MYT1: variants seen among roughly 807,000 people sequenced by gnomAD.
MYT1 encodes myelin transcription factor I.
Under a neutral mutation model 123.0 loss-of-function variants are expected in MYT1, and 23 were observed. The observed-to-expected ratio is 0.19, with a 90% CI of 0.13 to 0.26. MYT1 has a LOEUF of 0.26. MYT1 is among the 10% of genes least tolerant of loss of function. The pLI is 1.00. For synonymous variants in MYT1, 518 were observed against 575.3 expected (o/e 0.90, Z 1.43); for missense variants, 1,125 against 1,472.5 (o/e 0.76, Z 3.86).
chr20:64,177,514 G>A (rs1271059628), intron 1 of MYT1, among the ~76,000 whole-genome samples: 1 of 152,204 alleles, frequency 6.6e-6, no homozygotes, highest in Non-Finnish European at 1.5e-5. Flanking sequence ...GGCCCCCCAG[G>A]GTGTGGAGAG....
intron 19 of MYT1, among the ~76,000 whole-genome samples, 194 bp from the exon 20 acceptor site, chr20:64,236,361 C>T (rs1224261898): frequency 1.3e-4 from 17 of 133,582 alleles, no homozygotes; most frequent in Admixed American, 2.2e-4. Context: ...CTGGGATGGC[C>T]GCGGTGGGTG....
At chr20:64,188,283 A>G (rs1220374075) in intron 1 of MYT1, among the ~76,000 whole-genome samples, 1 of 152,116 alleles carries the variant, frequency 6.6e-6, no homozygotes, top group African/African-American at 2.4e-5. Context: ...CACTCGGGAG[A>G]GGCAGCGTCT....
At chr20:64,225,821 A>G (rs183921060) in intron 16 of MYT1, among the ~76,000 whole-genome samples, 1 of 152,186 alleles carries the variant, frequency 6.6e-6, no homozygotes, top group African/African-American at 2.4e-5. Context: ...GAGAAAAGCC[A>G]TTGAATCGGG....
intron 22 of MYT1, 143 bp downstream of exon 22, chr20:64,240,046 C>T (rs921233672): frequency 3.1e-5 from 41 of 1,301,942 alleles, no homozygotes; most frequent in Non-Finnish European, 4.0e-5. Context: ...CTCTCCACCC[C>T]GAATGGCCCG....
At chr20:64,183,762 C>T (rs548762557) in intron 1 of MYT1, among the ~76,000 whole-genome samples, 10 of 152,232 alleles carry the variant, frequency 6.6e-5, no homozygotes, top group South Asian at 4.1e-4. Context: ...ATCAGATTTA[C>T]GATTTGCAAA....
rs541815998 is a variant in MYT1, at chr20:64,185,417, C to T, written c.-98-4646C>T. Among the ~76,000 whole-genome samples, 3 of 152,280 alleles carry T rather than the reference C, an allele frequency of 2.0e-5. No homozygotes were observed. Among genetic ancestry groups the T allele is most frequent in the East Asian group, 3.9e-4 (2 of 5,178 alleles). On this transcript the variant is annotated intron_variant, in intron 1 of 22. Coordinates refer to ENST00000328439, the MANE Select transcript of MYT1 (RefSeq NM_004535.3). This position sits in a 1 kb window ranked among gnomAD's most constrained non-coding sequence, Gnocchi z 4.5. The stretch of plus-strand genomic sequence containing the variant: ...TGCTGAGGGGCAGGTGGTAACAGCT[C>T]CTGGCCCCAAAGGCAGCCCTAGTTA...
At chr20:64,227,582 T>C (rs1984205031) in intron 17 of MYT1, 105 bp downstream of exon 17, 3 of 1,030,116 alleles carry the variant, frequency 2.9e-6, no homozygotes, top group Non-Finnish European at 4.3e-6. Context: ...CTAGAGTCCA[T>C]TCCCATCTCT....
rs542536473 is a variant in MYT1 at position 64,241,927 on chromosome 20, A to G, written c.*1479A>G. The G allele has an allele frequency of 9.8e-5, 15 of 152,304 alleles. 1 individual carries two copies. In the South Asian group the frequency reaches 1.9e-3, roughly 19 times the overall value. The allele number at this position is 152,304 out of a possible 1,614,324, so 9.4% of individuals were successfully genotyped here. A position where few individuals can be genotyped will look rare whatever the true frequency, so the allele number is the denominator to read the frequency against. On this transcript the variant is annotated 3_prime_UTR_variant, in exon 23 of 23. Transcript: ENST00000328439. This position sits in a 1 kb window ranked among gnomAD's most constrained non-coding sequence, Gnocchi z 4.2. ...AAAGACATTTTGGTTTTCTTTTTCC[A>G]TTTTGGGTTCCTTTTGTTTCAGGCA...
rs778687390 is a variant in MYT1 at position 64,232,486 on chromosome 20, G to A, written c.2897+101G>A. The A allele has an allele frequency of 1.6e-5, 20 of 1,216,156 alleles. No individual in the cohort carries two copies. The highest frequency in any genetic ancestry group is 7.9e-5 in the South Asian group (6 of 75,710). 75.3% of individuals were successfully genotyped at this position (1,216,156 alleles called of 1,614,324 possible). On this transcript the variant is annotated intron_variant, in intron 19 of 22. Coordinates refer to ENST00000328439, the MANE Select transcript of MYT1 (RefSeq NM_004535.3). This position sits in a 1 kb window ranked among gnomAD's most constrained non-coding sequence, Gnocchi z 6.9. ...TGAGGGAGGGCCAGACCAGGGCTCC[G>A]TGTGACCAGAGTTGCTCAAGGGAAA...
intron 1 of MYT1, among the ~76,000 whole-genome samples, chr20:64,172,329 G>A (rs555589855): frequency 6.6e-6 from 1 of 152,314 alleles, no homozygotes; most frequent in South Asian, 2.1e-4. Flanking sequence ...TGGAGAGCCT[G>A]GGATTGGAGA....
chr20:64,228,882 C>T (rs941571640), intron 18 of MYT1, among the ~76,000 whole-genome samples: 64 of 152,186 alleles, frequency 4.2e-4, no homozygotes, highest in African/African-American at 1.4e-3. Context: ...GGGGCCGGCT[C>T]GGTCGGGACG....
Position 64,172,440 on chromosome 20 carries a change from G to A in MYT1, c.-99+7701G>A, listed in dbSNP as rs375648714. Among the ~76,000 whole-genome samples, 435 of 152,330 alleles carry A rather than the reference G, an allele frequency of 2.9e-3. 23 individuals carry two copies. In the South Asian group the frequency reaches 0.077, roughly 27 times the overall value. On this transcript the variant is annotated intron_variant, in intron 1 of 22. Coordinates refer to ENST00000328439, the MANE Select transcript of MYT1 (RefSeq NM_004535.3). ...CCTTCTGAACTGGGGATGAGCCAGC[G>A]TGTGGGCTCATCCTGACCCTAAAGG...
intron 14 of MYT1, among the ~76,000 whole-genome samples, chr20:64,222,440 A>C (rs1984036369): frequency 6.6e-6 from 1 of 152,242 alleles, no homozygotes; most frequent in Non-Finnish European, 1.5e-5. Flanking sequence ...TCCATGGCCA[A>C]GGCCTGGAAT....
chr20:64,213,718 G>T lies in MYT1; in HGVS notation c.1631+71G>T, dbSNP rs982414249. On this transcript the variant is annotated intron_variant, in intron 10 of 22. Transcript: ENST00000328439. The surrounding 1 kb of genome is among the most constrained non-coding windows in gnomAD (Gnocchi z 5.6). ...CCTGCAGAGGGCTTCTCAGTCTCCCGCAGGCTGTATGTGCATGTGTGTGAG... is the reference window on the plus strand; with the variant it reads ...CCTGCAGAGGGCTTCTCAGTCTCCCTCAGGCTGTATGTGCATGTGTGTGAG... The T allele has an allele frequency of 1.6e-6, 2 of 1,284,256 alleles. No homozygotes were observed. The highest frequency in any genetic ancestry group is 1.1e-6 in the Non-Finnish European group (1 of 891,678). 79.6% of individuals were successfully genotyped at this position (1,284,256 alleles called of 1,614,324 possible).
At chr20:64,179,977 G>A (rs546747414) in intron 1 of MYT1, among the ~76,000 whole-genome samples, 2 of 141,034 alleles carry the variant, frequency 1.4e-5, no homozygotes, top group East Asian at 4.2e-4. Flanking sequence ...ACACTCACAT[G>A]CTACACACAG....
chr20:64,219,191 C>G (rs1363243193), intron 12 of MYT1, among the ~76,000 whole-genome samples, 156 bp downstream of exon 12: 1 of 152,214 alleles, frequency 6.6e-6, no homozygotes. Flanking sequence ...GGCCATGGCC[C>G]CAAGGACCGC....
At chr20:64,170,934 G>GAGAGAGAC (rs1364403671) in intron 1 of MYT1, among the ~76,000 whole-genome samples, 8 of 131,668 alleles carry the variant, frequency 6.1e-5, no homozygotes, top group Non-Finnish European at 1.1e-4. Flanking sequence ...GAGAGAGAGA[G>GAGAGAGAC]ACGGAGTCTT....
At chr20:64,184,119 C>T (rs1489825251) in intron 1 of MYT1, among the ~76,000 whole-genome samples, 2 of 152,136 alleles carry the variant, frequency 1.3e-5, no homozygotes, top group African/African-American at 4.8e-5. Flanking sequence ...TGCTCCCGGC[C>T]GACAGTGTTA....
At chr20:64,224,542 C>T (rs1984111188) in intron 16 of MYT1, among the ~76,000 whole-genome samples, 1 of 152,166 alleles carries the variant, frequency 6.6e-6, no homozygotes, top group South Asian at 2.1e-4. Flanking sequence ...AAGTTTCCTT[C>T]CTGGAAGTTA....
Sources: allele counts gnomAD v4.1 joint callset (sites outside exome capture counted in the v4.1 genomes callset), GRCh38; gene constraint gnomAD v4.1.1; non-coding constraint Gnocchi (gnomAD v3.1); transcripts MANE v1.5; gene names NCBI Gene and HGNC (gene_info 2026-07-23, HGNC 2026-07-21).